MTMR3: variants seen among roughly 807,000 people sequenced by gnomAD.
MTMR3 encodes the protein phosphatidylinositol-3,5-bisphosphate 3-phosphatase MTMR3.
Under a neutral mutation model 132.4 loss-of-function variants are expected in MTMR3, and 32 were observed. The ratio of observed to expected loss-of-function variants is 0.24; its 90% CI spans 0.18 to 0.32. The LOEUF (loss-of-function observed/expected upper bound fraction) is 0.32, where lower values mean the gene tolerates loss of function less well. Ranked by LOEUF, MTMR3 falls within the 10% of genes least tolerant of loss-of-function variation. MTMR3 has a pLI of 1.00. For synonymous variants in MTMR3, 556 were observed against 550.3 expected (o/e 1.01, Z -0.14); for missense variants, 1,216 against 1,489.6 (o/e 0.82, Z 3.02).
chr22:29,948,788 ATAT>A (rs1269868227), intron 1 of MTMR3, among the ~76,000 whole-genome samples: 1 of 129,818 alleles, frequency 7.7e-6, no homozygotes, highest in Non-Finnish European at 1.6e-5. Flanking sequence ...TAATAAAAAC[ATAT>A]TATTGTCTAA....
chr22:29,888,462 C>CT (rs1446908849), intron 1 of MTMR3, among the ~76,000 whole-genome samples: 1 of 152,102 alleles, frequency 6.6e-6, no homozygotes, highest in Non-Finnish European at 1.5e-5. Flanking sequence ...AGGCATGAAA[C>CT]TAACGAAAAC....
At chr22:29,986,095 T>C (rs2066852008) in intron 5 of MTMR3, 1 of 152,220 alleles carries the variant, frequency 6.6e-6, no homozygotes, top group African/African-American at 2.4e-5. Flanking sequence ...AGCAGCCTCT[T>C]CTTGTGGATT....
chr22:29,970,497 C>CTTTTTTTTT lies in MTMR3; in HGVS notation c.-84-459_-84-451dup, dbSNP rs11326857. Among the ~76,000 whole-genome samples the CTTTTTTTTT allele has an allele frequency of 6.9e-4, 40 of 57,782 alleles. 2 individuals are homozygous for CTTTTTTTTT. Among genetic ancestry groups the CTTTTTTTTT allele is most frequent in the African/African-American group, 2.8e-3 (36 of 12,700 alleles). The allele number at this position is 57,782 out of a possible 152,430, so 37.9% of individuals were successfully genotyped here. A position where few individuals can be genotyped will look rare whatever the true frequency, so the allele number is the denominator to read the frequency against. On this transcript the variant is annotated intron_variant, in intron 2 of 19. Coordinates refer to ENST00000401950, the MANE Select transcript of MTMR3 (RefSeq NM_021090.4). ...TACAGGCATGTGCTGCCATGACCAG[C>CTTTTTTTTT]TTTTTTTTTTTTTTTTTTTTTTTTT...
chr22:30,028,483 A>G lies in MTMR3; in HGVS notation c.*2682A>G, dbSNP rs976943799. 2 of 152,302 alleles carry G rather than the reference A, an allele frequency of 1.3e-5. No homozygotes were observed. The highest frequency in any genetic ancestry group is 3.8e-4 in the East Asian group (2 of 5,326). 9.4% of individuals were successfully genotyped at this position (152,302 alleles called of 1,614,324 possible). A position where few individuals can be genotyped will look rare whatever the true frequency, so the allele number is the denominator to read the frequency against. On this transcript the variant is annotated 3_prime_UTR_variant, in exon 20 of 20. Transcript: ENST00000401950. ...TTCAATACTAGTTCTTGCTCTTCAC[A>G]GAGGTAGATTTTTCTTTACCCTACA...
At position 30,018,037 on chromosome 22, in the gene MTMR3, C is replaced by T. The variant is rs761924888; in HGVS notation, c.1785C>T (p.Ala595=). The change falls in exon 16 of 20, where the codon GCC becomes GCT. Residue 595 remains alanine (A), a synonymous_variant. Transcript: ENST00000401950. ...ACGACAGCTGTGCACCATACCCAGC[C>T]CCAGGCACCAGCCCTGATGATCCCC... ...PVDDSCAPYP[A]PGTSPDDPPL... is the part of the protein sequence containing the mutation. The T allele has an allele frequency of 3.7e-6, 6 of 1,612,582 alleles. No homozygotes were observed. Among genetic ancestry groups the T allele is most frequent in the Non-Finnish European group, 5.1e-6 (6 of 1,179,620 alleles).
At chr22:29,991,423 C>T (rs2066958954) in intron 6 of MTMR3, 81 bp from the exon 7 acceptor site, 1 of 1,396,864 alleles carries the variant, frequency 7.2e-7, no homozygotes, top group Non-Finnish European at 9.6e-7. Flanking sequence ...TACGAGTGGG[C>T]ATTCTTGAAA....
chr22:30,007,270 C>T lies in MTMR3; in HGVS notation c.828C>T (p.Asn276=), dbSNP rs774410241. 1 of 1,614,204 alleles carries T rather than the reference C, an allele frequency of 6.2e-7. No individual in the cohort carries two copies. Among genetic ancestry groups the T allele is most frequent in the Non-Finnish European group, 8.5e-7 (1 of 1,180,018 alleles). Residue 276 remains asparagine, a synonymous_variant, in exon 10 of 20, where the codon AAC becomes AAT. Coordinates refer to ENST00000401950, the MANE Select transcript of MTMR3 (RefSeq NM_021090.4). ...RSSGSKLSTR[N]TSRDFPNGGD... is the part of the protein sequence containing the mutation. ...GTGGCAGCAAGCTGTCAACTAGGAA[C>T]ACTTCTCGAGACTTTCCCAATGGGG... is the stretch of plus-strand genomic sequence containing the variant.
chr22:30,018,326 C>A (rs1034075318), intron 16 of MTMR3: 2 of 402,568 alleles, frequency 5.0e-6, no homozygotes, highest in Non-Finnish European at 8.7e-6. Context: ...AGTGATAGAG[C>A]AAATCCTCCA....
At chr22:29,950,424 C>T (rs557672803) in intron 1 of MTMR3, among the ~76,000 whole-genome samples, 1 of 151,678 alleles carries the variant, frequency 6.6e-6, no homozygotes, top group South Asian at 2.1e-4. Flanking sequence ...AGTGCAGTGG[C>T]GTGATCTCAG....
At chr22:30,021,905 A>G in intron 17 of MTMR3, 124 bp from the exon 18 acceptor site, 2 of 694,680 alleles carry the variant, frequency 2.9e-6, no homozygotes, top group Non-Finnish European at 5.1e-6. Flanking sequence ...ATGCATCTGC[A>G]GATTCGGCAG....
intron 5 of MTMR3, chr22:29,986,539 A>T: frequency 1.0e-6 from 1 of 980,802 alleles, no homozygotes; most frequent in Non-Finnish European, 1.2e-6. Context: ...AGGTCTCAGA[A>T]GAATTCTTAG....
chr22:30,005,418 T>TCTA (rs1020149872), intron 9 of MTMR3: 2 of 152,214 alleles, frequency 1.3e-5, no homozygotes, highest in African/African-American at 4.8e-5. Flanking sequence ...AAGAGCGCCA[T>TCTA]CTACTGCTCC....
intron 3 of MTMR3, among the ~76,000 whole-genome samples, chr22:29,975,239 T>C (rs1157948422): frequency 1.3e-5 from 2 of 152,214 alleles, no homozygotes; most frequent in African/African-American, 2.4e-5. Flanking sequence ...TTATACCATA[T>C]TAGAAAATAA....
At chr22:29,891,155 T>C (rs1425171086) in intron 1 of MTMR3, among the ~76,000 whole-genome samples, 1 of 152,054 alleles carries the variant, frequency 6.6e-6, no homozygotes. Flanking sequence ...CTTAGATATT[T>C]GATTTACAAA....
intron 1 of MTMR3, among the ~76,000 whole-genome samples, chr22:29,890,017 C>T (rs1305475772): frequency 6.6e-6 from 1 of 151,338 alleles, no homozygotes; most frequent in Non-Finnish European, 1.5e-5. Flanking sequence ...AGCGATTCTC[C>T]TGCCTCAGCC....
At chr22:29,942,698 T>C (rs1218454147) in intron 1 of MTMR3, among the ~76,000 whole-genome samples, 1 of 152,246 alleles carries the variant, frequency 6.6e-6, no homozygotes, top group African/African-American at 2.4e-5. Context: ...TTCAGCGATA[T>C]TTCTCCCATT....
chr22:29,971,003 C>G lies in MTMR3; in HGVS notation c.-57C>G, dbSNP rs1431143871. On this transcript the variant is annotated 5_prime_UTR_variant, in exon 3 of 20. Transcript: ENST00000401950. ...TTCACCATAAGGGAAAGAAGAGAGC[C>G]TTGTTGGACACTGAAGAAGGGACGG... 3 of 1,481,120 alleles carry G rather than the reference C, an allele frequency of 2.0e-6. No homozygotes were observed. The highest frequency in any genetic ancestry group is 2.7e-6 in the Non-Finnish European group (3 of 1,099,898). The allele number at this position is 1,481,120 out of a possible 1,614,324, so 91.7% of individuals were successfully genotyped here.
chr22:29,900,038 A>G (rs967518612), intron 1 of MTMR3, among the ~76,000 whole-genome samples: 7 of 152,246 alleles, frequency 4.6e-5, no homozygotes, highest in African/African-American at 1.7e-4. Flanking sequence ...ATGATAAGCC[A>G]TTTAACCTTT....
chr22:29,976,234 T>G (rs1168588476), intron 3 of MTMR3, among the ~76,000 whole-genome samples: 4 of 152,076 alleles, frequency 2.6e-5, no homozygotes, highest in Non-Finnish European at 5.9e-5. Context: ...TTCCAAAATC[T>G]AATCTTTGCA....
Sources: allele counts gnomAD v4.1 joint callset (sites outside exome capture counted in the v4.1 genomes callset), GRCh38; gene constraint gnomAD v4.1.1; transcripts MANE v1.5; gene names NCBI Gene and HGNC (gene_info 2026-07-23, HGNC 2026-07-21).